RGPD4: variants seen among roughly 807,000 people sequenced by gnomAD.
The protein encoded by RGPD4 is ranBP2-like and GRIP domain-containing protein 4.
A neutral mutation model predicts 141.1 loss-of-function variants in RGPD4; 84 were observed. The observed-to-expected ratio is 0.60, with a 90% CI of 0.50 to 0.71. RGPD4 has a LOEUF of 0.71. RGPD4 is among the 30% of genes least tolerant of loss of function. The probability of loss-of-function intolerance (pLI) is 0.00; values close to 1 mark genes in which losing one functional copy is unlikely to be tolerated. For synonymous variants in RGPD4, 298 were observed against 566.8 expected (o/e 0.53, Z 6.74); for missense variants, 918 against 1,622.4 (o/e 0.57, Z 7.46).
chr2:107,889,191 G>A (rs1269173235), intron 22 of RGPD4, among the ~76,000 whole-genome samples: 1 of 140,808 alleles, frequency 7.1e-6, no homozygotes, highest in Non-Finnish European at 1.5e-5. Flanking sequence ...CAAGAGGAAT[G>A]AAAACCAGTA....
At chr2:107,854,679 A>T in intron 8 of RGPD4, 36 bp downstream of exon 8, 10 of 1,504,278 alleles carry the variant, frequency 6.6e-6, no homozygotes, top group Non-Finnish European at 9.0e-6. Context: ...ATTTAAAAAG[A>T]AAAAGGAATT....
At chr2:107,846,231 C>T (rs1157130401) in intron 6 of RGPD4, among the ~76,000 whole-genome samples, 27 of 149,170 alleles carry the variant, frequency 1.8e-4, no homozygotes, top group Non-Finnish European at 1.6e-4. Context: ...CGGCTGGTCT[C>T]GATCTCTTGA....
chr2:107,845,730 A>AT (rs1260797749), intron 6 of RGPD4, among the ~76,000 whole-genome samples: 2 of 151,652 alleles, frequency 1.3e-5, no homozygotes, highest in East Asian at 1.9e-4. Flanking sequence ...CGCTCGGCTA[A>AT]TTTTTTTGTA....
chr2:107,890,575 A>AAAAC (rs1675628083), intron 22 of RGPD4, 146 bp from the exon 23 acceptor site: 2 of 53,360 alleles, frequency 3.7e-5, no homozygotes, highest in African/African-American at 1.9e-4. Flanking sequence ...AAAAAAAAAG[A>AAAAC]ACCCCCCCCC....
At chr2:107,890,548 CAAAAAAAAAAAAA>C (rs1210623696) in intron 22 of RGPD4, among the ~76,000 whole-genome samples, 160 bp from the exon 23 acceptor site, 1 of 16,286 alleles carries the variant, frequency 6.1e-5, no homozygotes, top group African/African-American at 2.7e-4. Context: ...GACCCTGTCT[CAAAAAAAAAAAAA>C]AAAAAAAAAA....
intron 1 of RGPD4, 38 bp downstream of exon 1, chr2:107,827,123 G>C: frequency 6.4e-7 from 1 of 1,560,308 alleles, no homozygotes; most frequent in Non-Finnish European, 8.7e-7. Context: ...CCTCGACCTG[G>C]CCGGGCGGCG....
At chr2:107,884,772 AT>A (rs1558823768) in intron 22 of RGPD4, among the ~76,000 whole-genome samples, 1 of 150,804 alleles carries the variant, frequency 6.6e-6, no homozygotes, top group Non-Finnish European at 1.5e-5. Flanking sequence ...TTGAGCAGGC[AT>A]CTGAATCATC....
In RGPD4 at chr2:107,859,671, G is replaced by C. The variant is rs916040172; in HGVS notation, c.1635-51G>C. 105 of 1,610,856 alleles carry C rather than the reference G, an allele frequency of 6.5e-5. 1 individual carries two copies. Among genetic ancestry groups the C allele is most frequent in the Admixed American group, 5.3e-4 (32 of 59,918 alleles). On this transcript the variant is annotated intron_variant, in intron 11 of 22. Transcript: ENST00000408999. The stretch of plus-strand genomic sequence containing the variant: ...CCCATTAACATATATGTATGTAAGC[G>C]CTGAACTGTGTATTTAGAAAGCAAT...
At chr2:107,845,945 G>T (rs1387418164) in intron 6 of RGPD4, among the ~76,000 whole-genome samples, 7 of 103,452 alleles carry the variant, frequency 6.8e-5, no homozygotes, top group Non-Finnish European at 8.5e-5. Context: ...TTTTTTTTTT[G>T]AGACGGAGTC....
At chr2:107,831,580 T>C (rs1410763557) in intron 1 of RGPD4, among the ~76,000 whole-genome samples, 1 of 138,106 alleles carries the variant, frequency 7.2e-6, no homozygotes, top group Non-Finnish European at 1.6e-5. Context: ...TTCTTTTTTT[T>C]TTTTTTTTTT....
At position 107,870,578 on chromosome 2, in the gene RGPD4, TATC is replaced by T. The variant is rs1246985029; in HGVS notation, c.2701-109_2701-107del. ...ACATTAATAAATGCTCAATAAATGT[TATC>T]ATCATCATCATCATCATTATTGTTA... On this transcript the variant is annotated intron_variant, in intron 19 of 22. Coordinates refer to ENST00000408999, the MANE Select transcript of RGPD4 (RefSeq NM_182588.3). 715 of 808,204 alleles carry T rather than the reference TATC, an allele frequency of 8.8e-4. 10 individuals are homozygous for T. Among genetic ancestry groups the T allele is most frequent in the African/African-American group, 4.8e-3 (270 of 56,254 alleles). 50.1% of individuals were successfully genotyped at this position (808,204 alleles called of 1,614,324 possible).
chr2:107,885,012 G>A (rs1451397761), intron 22 of RGPD4, among the ~76,000 whole-genome samples: 1 of 151,846 alleles, frequency 6.6e-6, no homozygotes, highest in Non-Finnish European at 1.5e-5. Flanking sequence ...TGATGAAGGA[G>A]GAATGTTCTC....
At chr2:107,856,070 T>C (rs1355539844) in intron 8 of RGPD4, among the ~76,000 whole-genome samples, 4 of 141,564 alleles carry the variant, frequency 2.8e-5, no homozygotes, top group African/African-American at 8.9e-5. Context: ...TTTTTTTTTT[T>C]CCTGAGACAG....
At position 107,870,861 on chromosome 2, in the gene RGPD4, A is replaced by T. The variant is rs768246338; in HGVS notation, c.2857A>T (p.Ser953Cys). The T allele has an allele frequency of 6.5e-5, 104 of 1,610,536 alleles. 1 individual carries two copies. The highest frequency in any genetic ancestry group is 8.6e-5 in the Non-Finnish European group (101 of 1,179,454). ...NDTGFQAQDI[S>C]GQKNGRGVIF... ...TACTGGCTTCCAGGCTCAGGATATT[A>T]GTGGCCAGAAGAATGGCCGTGGTGT... The change falls in exon 20 of 23, where the codon AGT (serine) becomes TGT (cysteine). Residue 953 changes from serine to cysteine, a missense_variant. Ser to Cys is a moderately radical substitution (Grantham distance 112, BLOSUM62 -1). Coordinates refer to ENST00000408999, the MANE Select transcript of RGPD4 (RefSeq NM_182588.3).
chr2:107,866,506 G>GA (rs936989911), intron 18 of RGPD4, among the ~76,000 whole-genome samples, 181 bp downstream of exon 18: 6 of 123,968 alleles, frequency 4.8e-5, no homozygotes, highest in East Asian at 4.5e-4. Context: ...ATCCCAAGCA[G>GA]AAAAAACGAG....
chr2:107,878,292 G>A lies in RGPD4; in HGVS notation c.4925-1676G>A, dbSNP rs562090498. ...TTAACCTTTAAAAAAAATCTAATAG[G>A]CCCAGTTTCCTCTCAACAATCTTTG... is the stretch of plus-strand genomic sequence containing the variant. On this transcript the variant is annotated intron_variant, in intron 20 of 22. Transcript: ENST00000408999. 2.0e-4 allele frequency among the ~76,000 whole-genome samples: 31 copies of A among 151,312 alleles called. 1 individual carries two copies. Among genetic ancestry groups the A allele is most frequent in the Non-Finnish European group, 2.7e-4 (18 of 67,886 alleles).
chr2:107,885,807 C>G (rs570927022), intron 22 of RGPD4, among the ~76,000 whole-genome samples: 7 of 152,072 alleles, frequency 4.6e-5, no homozygotes, highest in African/African-American at 1.7e-4. Context: ...TAATCCAGCA[C>G]TTTGGGAGGC....
intron 22 of RGPD4, chr2:107,883,151 C>G (rs1418303355): frequency 1.5e-6 from 1 of 648,102 alleles, no homozygotes; most frequent in African/African-American, 1.8e-5. Context: ...GTGTTGCGTT[C>G]TGGTGTTCAG....
rs1371618485 is a variant in RGPD4, at chr2:107,860,758, T to C, written c.1759-8T>C. 6.2e-7 allele frequency: 1 copy of C among 1,610,528 alleles called. No homozygotes were observed. The highest frequency in any genetic ancestry group is 8.5e-7 in the Non-Finnish European group (1 of 1,179,484). On this transcript the variant is annotated splice_polypyrimidine_tract_variant and splice_region_variant and intron_variant, in intron 12 of 22. Coordinates refer to ENST00000408999, the MANE Select transcript of RGPD4 (RefSeq NM_182588.3). The stretch of plus-strand genomic sequence containing the variant: ...TTAAAGTTGTGTGCTTTTAACTTTC[T>C]TTTTTAGGGCAGTGGTCTTAATTCT...
Sources: gnomAD v4.1 joint callset for allele counts (sites outside exome capture counted in the v4.1 genomes callset) on GRCh38, gnomAD v4.1.1 for gene constraint, MANE v1.5 for transcripts, NCBI Gene and HGNC (gene_info 2026-07-23, HGNC 2026-07-21) for gene names.